Variants in CDK6 observed in about 807,000 individuals in gnomAD.
CDK6 encodes cyclin dependent kinase 6.
Under a neutral mutation model 37.1 loss-of-function variants are expected in CDK6, and 6 were observed. The ratio of observed to expected loss-of-function variants is 0.16; its 90% CI spans 0.09 to 0.32. CDK6 has a LOEUF of 0.32. Ranked by LOEUF, CDK6 falls within the 10% of genes least tolerant of loss-of-function variation. The probability of loss-of-function intolerance (pLI) is 1.00; values close to 1 mark genes in which losing one functional copy is unlikely to be tolerated. For synonymous variants in CDK6, 160 were observed against 161.3 expected (o/e 0.99, Z 0.06); for missense variants, 224 against 418.9 (o/e 0.53, Z 4.06).
chr7:92,665,646 T>C (rs1331466275), intron 5 of CDK6, among the ~76,000 whole-genome samples: 2 of 152,232 alleles, frequency 1.3e-5, no homozygotes, highest in African/African-American at 2.4e-5. Flanking sequence ...TGACAGAGAA[T>C]TGGCCAACCT....
At chr7:92,740,895 C>A (rs1798908894) in intron 3 of CDK6, among the ~76,000 whole-genome samples, 1 of 152,178 alleles carries the variant, frequency 6.6e-6, no homozygotes, top group African/African-American at 2.4e-5. Context: ...CTCTGCAACT[C>A]CTCAAGTCTC....
At chr7:92,630,524 T>C (rs1459833327) in intron 5 of CDK6, among the ~76,000 whole-genome samples, 2 of 152,030 alleles carry the variant, frequency 1.3e-5, no homozygotes, top group Admixed American at 6.6e-5. Flanking sequence ...ACCAGGAAAA[T>C]AAATCTGAGT....
At chr7:92,737,092 A>G (rs1318806476) in intron 3 of CDK6, among the ~76,000 whole-genome samples, 5 of 152,164 alleles carry the variant, frequency 3.3e-5, no homozygotes, top group South Asian at 4.1e-4. Flanking sequence ...GGCTACAAGA[A>G]CTAAAAATAA....
chr7:92,724,121 AG>A (rs895247909), intron 4 of CDK6, among the ~76,000 whole-genome samples: 2 of 151,904 alleles, frequency 1.3e-5, no homozygotes, highest in Admixed American at 1.3e-4. Flanking sequence ...GCTTCTCCCC[AG>A]GGCCCCAAAA....
chr7:92,828,291 T>C (rs991798107), intron 2 of CDK6, among the ~76,000 whole-genome samples: 1 of 152,216 alleles, frequency 6.6e-6, no homozygotes, highest in African/African-American at 2.4e-5. Context: ...TTTATCGTTA[T>C]GTCATTCATT....
chr7:92,734,639 T>C (rs1399317561), intron 3 of CDK6, among the ~76,000 whole-genome samples: 2 of 152,064 alleles, frequency 1.3e-5, no homozygotes, highest in African/African-American at 2.4e-5. Context: ...GACCATGAAA[T>C]CTATGAAGGC....
intron 2 of CDK6, among the ~76,000 whole-genome samples, chr7:92,825,174 C>A (rs1404718942): frequency 6.6e-6 from 1 of 152,078 alleles, no homozygotes; most frequent in East Asian, 1.9e-4. Context: ...TTTGTGACTA[C>A]TGCCTTAATC....
At chr7:92,685,903 C>T (rs1365673993) in intron 4 of CDK6, among the ~76,000 whole-genome samples, 2 of 152,208 alleles carry the variant, frequency 1.3e-5, no homozygotes, top group African/African-American at 2.4e-5. Flanking sequence ...AATGACCAAG[C>T]TGCTTTCCGT....
chr7:92,710,910 T>C (rs1051272563), intron 4 of CDK6: 6 of 956,708 alleles, frequency 6.3e-6, no homozygotes, highest in Non-Finnish European at 6.2e-6. Flanking sequence ...AGTCAGAACA[T>C]GCTGGATGCT....
chr7:92,753,752 A>T (rs931443972), intron 3 of CDK6, among the ~76,000 whole-genome samples: 6 of 152,208 alleles, frequency 3.9e-5, no homozygotes, highest in Non-Finnish European at 8.8e-5. Context: ...TCATGGCAGA[A>T]GTATTGAAGA....
chr7:92,777,718 C>CT (rs1318132213), intron 2 of CDK6, among the ~76,000 whole-genome samples: 1 of 152,120 alleles, frequency 6.6e-6, no homozygotes, highest in Non-Finnish European at 1.5e-5. Context: ...TATACAGACT[C>CT]TTTTTTGGTT....
chr7:92,759,740 A>C (rs76846009), intron 3 of CDK6, among the ~76,000 whole-genome samples: 1 of 151,832 alleles, frequency 6.6e-6, no homozygotes, highest in Admixed American at 6.6e-5. Flanking sequence ...TTAAAAAAAA[A>C]CCATACACAC....
At position 92,725,661 on chromosome 7, in the gene CDK6, G is replaced by A. The variant is rs1287192342; in HGVS notation, c.502C>T (p.Arg168Cys). ...QIKLADFGLA[R>C]IYSFQMALTS... ...AGAGCCATCTGGAAACTATAGATGCGGGCAAGGCCGAAGTCAGCGAGTTTT... is the reference window on the plus strand; with the variant it reads ...AGAGCCATCTGGAAACTATAGATGCAGGCAAGGCCGAAGTCAGCGAGTTTT... Residue 168 changes from arginine (R) to cysteine (C), a missense_variant, in exon 4 of 8, where the codon CGC becomes TGC. Transcript: ENST00000424848. The A allele has an allele frequency of 2.5e-6, 4 of 1,614,056 alleles. No homozygotes were observed. Among genetic ancestry groups the A allele is most frequent in the East Asian group, 2.2e-5 (1 of 44,880 alleles).
chr7:92,628,528 T>C (rs142257147), intron 5 of CDK6, among the ~76,000 whole-genome samples: 438 of 152,272 alleles, frequency 2.9e-3, no homozygotes, highest in Admixed American at 4.4e-3. Flanking sequence ...TAATACATGC[T>C]GAGTGGTTAT....
chr7:92,819,028 C>T, intron 2 of CDK6, among the ~76,000 whole-genome samples: 1 of 151,984 alleles, frequency 6.6e-6, no homozygotes, highest in East Asian at 1.9e-4. Context: ...ATTAAATACA[C>T]AATTGCCATA....
intron 4 of CDK6, among the ~76,000 whole-genome samples, chr7:92,705,218 G>C (rs892823207): frequency 6.6e-6 from 1 of 152,036 alleles, no homozygotes; most frequent in Admixed American, 6.6e-5. Flanking sequence ...AACTCTCTTG[G>C]TTTTTGCTTC....
chr7:92,782,921 A>G (rs1427982855), intron 2 of CDK6, among the ~76,000 whole-genome samples: 3 of 152,230 alleles, frequency 2.0e-5, no homozygotes, highest in Non-Finnish European at 2.9e-5. Flanking sequence ...CTCAAGCACA[A>G]AAGAAGTAGC....
intron 4 of CDK6, among the ~76,000 whole-genome samples, chr7:92,676,933 T>G (rs887413118): frequency 1.4e-5 from 2 of 146,174 alleles, no homozygotes; most frequent in African/African-American, 2.5e-5. Context: ...CACTCCAGCC[T>G]GGGCGACAGA....
chr7:92,671,717 T>G (rs868099339), intron 4 of CDK6, among the ~76,000 whole-genome samples, 182 bp from the exon 5 acceptor site: 18 of 152,148 alleles, frequency 1.2e-4, no homozygotes, highest in Admixed American at 1.2e-3. Context: ...GGAAATTACA[T>G]CATCCCCACA....
Sources: allele counts gnomAD v4.1 joint callset (sites outside exome capture counted in the v4.1 genomes callset), GRCh38; gene constraint gnomAD v4.1.1; transcripts MANE v1.5; gene names NCBI Gene and HGNC (gene_info 2026-07-23, HGNC 2026-07-21).